SCO2: variants seen among roughly 807,000 people sequenced by gnomAD.
SCO2 encodes the protein cytochrome c oxidase assembly factor SCO2.
For missense variants in SCO2, 429 were observed against 348.7 expected, an observed-to-expected ratio of 1.23 and a Z score of -1.83; for synonymous variants, 195 against 148.6, an observed-to-expected ratio of 1.31 and a Z score of -2.27.
chr22:50,526,015 T>A (rs534302884), upstream of SCO2: 2 of 1,465,878 alleles, frequency 1.4e-6, no homozygotes, highest in South Asian at 1.3e-5. Context: ...GCGCAGCCTC[T>A]GACCCACGTC....
At chr22:50,525,720 A>G (rs1258276349), upstream of SCO2, 2 of 1,588,082 alleles carry the variant, frequency 1.3e-6, no homozygotes, top group African/African-American at 1.3e-5. Context: ...GCAGCCCTGG[A>G]TCCTTCCGCT....
chr22:50,525,945 C>T (rs558314287), upstream of SCO2: 6 of 1,417,968 alleles, frequency 4.2e-6, no homozygotes, highest in Non-Finnish European at 5.5e-6. Flanking sequence ...TGTTAGAGGC[C>T]GCGCGGCCGG....
At chr22:50,526,314 C>T (rs748651674), upstream of SCO2, 5 of 1,561,086 alleles carry the variant, frequency 3.2e-6, no homozygotes, top group African/African-American at 1.4e-5. Flanking sequence ...TTCTGCGGGA[C>T]TTCCCGAGCA....
At chr22:50,525,762 A>C (rs755313525), upstream of SCO2, 4 of 1,610,210 alleles carry the variant, frequency 2.5e-6, no homozygotes, top group Admixed American at 1.7e-5. Flanking sequence ...TTTCGCGGCA[A>C]AGGAGCTTTA....
intron 1 of SCO2, chr22:50,524,676 C>G: frequency 1.5e-6 from 1 of 681,026 alleles, no homozygotes; most frequent in Non-Finnish European, 2.8e-6. Context: ...CCTGCACCTG[C>G]ACCTCAGCAA....
upstream of SCO2, chr22:50,525,975 G>A (rs970358323): frequency 1.6e-5 from 22 of 1,386,802 alleles, no homozygotes; most frequent in East Asian, 3.0e-5. Context: ...GGGGTGCGGG[G>A]CCAGCAGGGC....
Position 50,523,699 on chromosome 22 carries a change from G to T in SCO2, c.713C>A (p.Thr238Lys). Reference protein sequence around the residue: ...IYLLNPDGLFTDYYGRSRSAE... With the variant: ...IYLLNPDGLFKDYYGRSRSAE... ...CGATCTGCTCCGGCCGTAGTAATCC[G>T]TGAAGAGGCCGTCAGGGTTGAGCAG... is the stretch of plus-strand genomic sequence containing the variant. Residue 238 changes from threonine (T) to lysine (K), a missense_variant, in exon 2 of 2, where the codon ACG becomes AAG. By Grantham distance (78) the Thr-to-Lys change is moderately conservative. Coordinates refer to ENST00000395693, the MANE Select transcript of SCO2 (RefSeq NM_005138.3). 6.2e-7 allele frequency: 1 copy of T among 1,614,188 alleles called. No individual in the cohort carries two copies. The highest frequency in any genetic ancestry group is 8.5e-7 in the Non-Finnish European group (1 of 1,180,038).
intron 1 of SCO2, among the ~76,000 whole-genome samples, chr22:50,525,222 G>A (rs1418839120): frequency 1.3e-5 from 2 of 152,240 alleles, no homozygotes; most frequent in Non-Finnish European, 2.9e-5. Context: ...AGCAAGGCCA[G>A]CGCCCTCGTG....
In SCO2 at chr22:50,523,605, A is replaced by G. The variant is rs944181838; in HGVS notation, c.*6T>C. Reference sequence around the variant, plus strand: ...CGTTTAATGATGGGGCCCAGACTGCAGTGGCTCAAGACAGGACACTGCGGA... The same window carrying G: ...CGTTTAATGATGGGGCCCAGACTGCGGTGGCTCAAGACAGGACACTGCGGA... On this transcript the variant is annotated 3_prime_UTR_variant, in exon 2 of 2. Coordinates refer to ENST00000395693, the MANE Select transcript of SCO2 (RefSeq NM_005138.3). 1.9e-6 allele frequency: 3 copies of G among 1,613,000 alleles called. No individual in the cohort carries two copies. In the South Asian group the frequency reaches 3.3e-5, roughly 18 times the overall value.
upstream of SCO2, chr22:50,526,170 G>C (rs148641002): frequency 0.037 from 53,688 of 1,468,288 alleles, 1,169 homozygotes; most frequent in Middle Eastern, 0.11. Context: ...AGAGGCGCGG[G>C]CTCGGGAAGG....
At chr22:50,525,820 A>T, upstream of SCO2, 1 of 1,610,144 alleles carries the variant, frequency 6.2e-7, no homozygotes, top group African/African-American at 1.3e-5. Flanking sequence ...GGGGCGGCGA[A>T]TGGCGCGCGG....
At chr22:50,526,415 C>T, upstream of SCO2, 1 of 1,511,214 alleles carries the variant, frequency 6.6e-7, no homozygotes, top group South Asian at 1.2e-5. Context: ...GCGCCGCGGC[C>T]ACCCGGGCAG....
upstream of SCO2, chr22:50,525,979 GC>G: frequency 7.2e-7 from 1 of 1,390,978 alleles, no homozygotes; most frequent in Non-Finnish European, 9.3e-7. Context: ...TGCGGGGCCA[GC>G]AGGGCGGGGG....
intron 1 of SCO2, chr22:50,524,865 C>T (rs1603441718): frequency 2.8e-6 from 1 of 360,056 alleles, no homozygotes; most frequent in East Asian, 7.4e-5. Context: ...TTCAACCAAC[C>T]GCGGCCTTCC....
intron 1 of SCO2, among the ~76,000 whole-genome samples, chr22:50,524,964 G>GCACGACACTTCCACCCGC (rs2069273956): frequency 6.6e-6 from 1 of 151,730 alleles, no homozygotes; most frequent in African/African-American, 2.4e-5. Context: ...TGGCAGAGAC[G>GCACGACACTTCCACCCGC]CACGACACTT....
intron 1 of SCO2, among the ~76,000 whole-genome samples, chr22:50,525,217 G>C (rs2069290458): frequency 6.6e-6 from 1 of 152,266 alleles, no homozygotes; most frequent in Non-Finnish European, 1.5e-5. Flanking sequence ...TCCCCAGCAA[G>C]GCCAGCGCCC....
At chr22:50,525,264 C>T (rs574684701) in intron 1 of SCO2, among the ~76,000 whole-genome samples, 2 of 152,368 alleles carry the variant, frequency 1.3e-5, no homozygotes, top group East Asian at 3.9e-4. Context: ...CTCGAAGCGC[C>T]GCGCGAGCGC....
Position 50,523,601 on chromosome 22 carries a change from C to T in SCO2, c.*10G>A. ...AGCCCGTTTAATGATGGGGCCCAGA[C>T]TGCAGTGGCTCAAGACAGGACACTG... is the stretch of plus-strand genomic sequence containing the variant. On this transcript the variant is annotated 3_prime_UTR_variant, in exon 2 of 2. Transcript: ENST00000395693. 1.2e-6 allele frequency: 2 copies of T among 1,612,834 alleles called. No individual in the cohort carries two copies. Among genetic ancestry groups the T allele is most frequent in the Non-Finnish European group, 1.7e-6 (2 of 1,179,878 alleles).
intron 1 of SCO2, among the ~76,000 whole-genome samples, chr22:50,525,224 G>A (rs1347321819): frequency 2.6e-5 from 4 of 152,244 alleles, no homozygotes; most frequent in Non-Finnish European, 5.9e-5. Flanking sequence ...CAAGGCCAGC[G>A]CCCTCGTGGC....
Sources: allele counts gnomAD v4.1 joint callset (sites outside exome capture counted in the v4.1 genomes callset), GRCh38; gene constraint gnomAD v4.1.1; transcripts MANE v1.5; gene names NCBI Gene and HGNC (gene_info 2026-07-23, HGNC 2026-07-21).